CRY1: variants seen among roughly 807,000 people sequenced by gnomAD.
The protein encoded by CRY1 is cryptochrome-1.
Under a neutral mutation model 76.0 loss-of-function variants are expected in CRY1, and 45 were observed. The observed-to-expected ratio is 0.59, with a 90% CI of 0.47 to 0.76. The LOEUF is 0.76. CRY1 is among the 30% of genes least tolerant of loss of function. The pLI is 0.00. For synonymous variants in CRY1, 248 were observed against 244.0 expected, an observed-to-expected ratio of 1.02 and a Z score of -0.15; for missense variants, 587 against 716.4, an observed-to-expected ratio of 0.82 and a Z score of 2.06.
Position 107,005,047 on chromosome 12 carries a change from A to G in CRY1, c.410+59T>C, listed in dbSNP as rs530912825. 1.1e-5 allele frequency: 17 copies of G among 1,517,290 alleles called. No homozygotes were observed. The East Asian group carries it at 3.8e-4, about 34-fold the overall frequency. 94.0% of individuals were successfully genotyped at this position (1,517,290 alleles called of 1,614,324 possible). ...CGAACTATATACTTAAAAATGGTTA[A>G]GATGGTAAATATTATGTTATACGCA... On this transcript the variant is annotated intron_variant, in intron 3 of 12. Transcript: ENST00000008527.
chr12:107,041,790 G>T (rs1952802775), intron 1 of CRY1, among the ~76,000 whole-genome samples: 1 of 151,724 alleles, frequency 6.6e-6, no homozygotes, highest in African/African-American at 2.4e-5. Context: ...AGGACTATGG[G>T]GTGGGGGTGG....
intron 2 of CRY1, among the ~76,000 whole-genome samples, chr12:107,006,121 C>T (rs951305137): frequency 2.6e-5 from 4 of 152,090 alleles, no homozygotes; most frequent in South Asian, 4.2e-4. Context: ...TGCGGTGGCT[C>T]ATGCCTGTAA....
chr12:107,032,209 C>T (rs936869802), intron 1 of CRY1, among the ~76,000 whole-genome samples: 3 of 152,180 alleles, frequency 2.0e-5, no homozygotes, highest in Non-Finnish European at 4.4e-5. Context: ...GCTGGGATTA[C>T]AGGCATGAGC....
chr12:107,051,909 A>G (rs893780825), intron 1 of CRY1, among the ~76,000 whole-genome samples: 16 of 151,610 alleles, frequency 1.1e-4, no homozygotes, highest in African/African-American at 3.9e-4. Context: ...TAGGAGACTT[A>G]TATAAAATTA....
intron 1 of CRY1, among the ~76,000 whole-genome samples, chr12:107,085,132 T>C (rs1953381346): frequency 6.6e-6 from 1 of 152,218 alleles, no homozygotes; most frequent in Non-Finnish European, 1.5e-5. Flanking sequence ...TCATGCCAGT[T>C]AGAACAGCGA....
intron 1 of CRY1, among the ~76,000 whole-genome samples, chr12:107,064,184 T>C (rs1953083412): frequency 6.6e-6 from 1 of 152,162 alleles, no homozygotes; most frequent in Non-Finnish European, 1.5e-5. Context: ...TGAATGCATG[T>C]AGAGACACTA....
chr12:107,064,833 A>C (rs1295338578), intron 1 of CRY1, among the ~76,000 whole-genome samples: 2 of 152,246 alleles, frequency 1.3e-5, no homozygotes, highest in Non-Finnish European at 2.9e-5. Context: ...AAAAGTATTC[A>C]CAAATATGTT....
intron 1 of CRY1, among the ~76,000 whole-genome samples, chr12:107,080,322 A>T (rs1344922456): frequency 1.3e-5 from 2 of 152,124 alleles, no homozygotes; most frequent in Non-Finnish European, 2.9e-5. Context: ...CATATATTCA[A>T]GCAGGCAAAT....
intron 1 of CRY1, among the ~76,000 whole-genome samples, chr12:107,091,894 G>A (rs1345470768): frequency 6.6e-6 from 1 of 152,014 alleles, no homozygotes; most frequent in African/African-American, 2.4e-5. Context: ...CTTTTCCCCC[G>A]ATCATACTTA....
chr12:107,058,383 C>T (rs1439434116), intron 1 of CRY1, among the ~76,000 whole-genome samples: 1 of 151,972 alleles, frequency 6.6e-6, no homozygotes, highest in African/African-American at 2.4e-5. Flanking sequence ...AACCTCTTGG[C>T]AAGAGTAACA....
Position 106,993,008 on chromosome 12 carries a change from G to C in CRY1, c.1614C>G (p.His538Gln). 1 of 1,614,044 alleles carries C rather than the reference G, an allele frequency of 6.2e-7. No individual in the cohort carries two copies. The highest frequency in any genetic ancestry group is 8.5e-7 in the Non-Finnish European group (1 of 1,179,916). Residue 538 changes from histidine (H) to glutamine (Q), a missense_variant, in exon 11 of 13, where the codon CAC (histidine) becomes CAG (glutamine). By Grantham distance (24) the His-to-Gln change is conservative. Transcript: ENST00000008527. ...TTTGCTGACTGTCGCCATGAGCATA[G>C]TGTAAAATACCACTCCCTTGAGAGC... ...GSCSQGSGILHYAHGDSQQTH... is the reference protein window; with the variant it reads ...GSCSQGSGILQYAHGDSQQTH...
At chr12:107,013,798 T>C (rs985475545) in intron 2 of CRY1, among the ~76,000 whole-genome samples, 5 of 152,230 alleles carry the variant, frequency 3.3e-5, no homozygotes, top group African/African-American at 7.2e-5. Flanking sequence ...AAAACTCCGT[T>C]TAAAATAAGC....
At chr12:107,049,544 T>A (rs950000599) in intron 1 of CRY1, among the ~76,000 whole-genome samples, 2 of 151,992 alleles carry the variant, frequency 1.3e-5, no homozygotes, top group African/African-American at 4.8e-5. Flanking sequence ...CTGACTAATT[T>A]TTGTATTTTT....
At chr12:107,013,471 G>T (rs1300465705) in intron 2 of CRY1, among the ~76,000 whole-genome samples, 1 of 152,132 alleles carries the variant, frequency 6.6e-6, no homozygotes, top group Non-Finnish European at 1.5e-5. Context: ...TTATACATAT[G>T]CATTGGAAAA....
intron 1 of CRY1, among the ~76,000 whole-genome samples, chr12:107,059,450 G>A (rs1328146914): frequency 6.6e-6 from 1 of 151,884 alleles, no homozygotes; most frequent in African/African-American, 2.4e-5. Flanking sequence ...ATGAAGTCTC[G>A]CTATGTTGCC....
chr12:107,035,960 T>C (rs1952728122), intron 1 of CRY1, among the ~76,000 whole-genome samples: 1 of 152,152 alleles, frequency 6.6e-6, no homozygotes, highest in Admixed American at 6.6e-5. Context: ...CCCAAATCAG[T>C]GGCTTGACAA....
chr12:107,005,801 A>C (rs1023079734), intron 2 of CRY1, among the ~76,000 whole-genome samples: 1 of 152,074 alleles, frequency 6.6e-6, no homozygotes, highest in Non-Finnish European at 1.5e-5. Flanking sequence ...TTACTAAAAA[A>C]CGTTAACTGA....
At chr12:107,067,980 T>C (rs1257301880) in intron 1 of CRY1, among the ~76,000 whole-genome samples, 1 of 152,246 alleles carries the variant, frequency 6.6e-6, no homozygotes, top group African/African-American at 2.4e-5. Context: ...TTTCTCTTTG[T>C]TGCTATTATA....
Position 107,093,075 on chromosome 12 carries a change from G to A in CRY1, c.-114C>T. On this transcript the variant is annotated 5_prime_UTR_variant, in exon 1 of 13. Transcript: ENST00000008527. ...CTCACCCGGGGCGTGAGGAAAGGGC[G>A]GCAGAGGGGGAACAGGAAAAAATGA... 2 of 1,259,504 alleles carry A rather than the reference G, an allele frequency of 1.6e-6. No homozygotes were observed. The highest frequency in any genetic ancestry group is 5.4e-5 in the East Asian group (2 of 37,140). The allele number at this position is 1,259,504 out of a possible 1,614,324, so 78.0% of individuals were successfully genotyped here. A position where few individuals can be genotyped will look rare whatever the true frequency, so the allele number is the denominator to read the frequency against.
Sources: gnomAD v4.1 joint callset for allele counts (sites outside exome capture counted in the v4.1 genomes callset) on GRCh38, gnomAD v4.1.1 for gene constraint, MANE v1.5 for transcripts, NCBI Gene and HGNC (gene_info 2026-07-23, HGNC 2026-07-21) for gene names.